MKLN1: variants seen among roughly 807,000 people sequenced by gnomAD.
MKLN1 encodes the protein muskelin 1, also known as muskelin.
MKLN1 carries 18 observed loss-of-function variants against 99.0 expected under a neutral mutation model. The ratio of observed to expected loss-of-function variants is 0.18; its 90% CI spans 0.13 to 0.27. The LOEUF is 0.27. MKLN1 is among the 10% of genes least tolerant of loss of function. The probability of loss-of-function intolerance (pLI) is 1.00; values close to 1 mark genes in which losing one functional copy is unlikely to be tolerated. For synonymous variants in MKLN1, 288 were observed against 293.2 expected (o/e 0.98, Z 0.18); for missense variants, 621 against 875.9 (o/e 0.71, Z 3.67).
In MKLN1 at chr7:131,114,415, T is replaced by C. The variant is rs556845406; in HGVS notation, c.-419+4208T>C. Among the ~76,000 whole-genome samples the C allele has an allele frequency of 9.2e-5, 14 of 151,902 alleles. No individual in the cohort carries two copies. The South Asian group carries it at 1.9e-3, about 20-fold the overall frequency. ...CTCAGGAGAGAGATCTATGCTGGAGTCATCAGAATAAGGAATAGTTCATGG... is the reference window on the plus strand; with the variant it reads ...CTCAGGAGAGAGATCTATGCTGGAGCCATCAGAATAAGGAATAGTTCATGG... On this transcript the variant is annotated intron_variant, in intron 1 of 7. Coordinates refer to the MKLN1 transcript ENST00000416992.
At chr7:131,250,216 G>T (rs78176340) in intron 3 of MKLN1, among the ~76,000 whole-genome samples, 1 of 152,146 alleles carries the variant, frequency 6.6e-6, no homozygotes, top group Non-Finnish European at 1.5e-5. Context: ...TTGGTGGCTG[G>T]GGGGAGATGA....
At chr7:131,439,047 T>C (rs1254075448) in intron 10 of MKLN1, among the ~76,000 whole-genome samples, 1 of 152,124 alleles carries the variant, frequency 6.6e-6, no homozygotes, top group East Asian at 1.9e-4. Flanking sequence ...AAACTAGTAT[T>C]CTTGGAAATA....
rs1796658995 is a variant in MKLN1, at chr7:131,466,264, T to G, written c.1789-12T>G. On this transcript the variant is annotated splice_polypyrimidine_tract_variant and intron_variant, in intron 14 of 17. Coordinates refer to ENST00000352689, the MANE Select transcript of MKLN1 (RefSeq NM_013255.5). Reference sequence around the variant, plus strand: ...GCATTTTTAAAAATCTGGCTTATTTTGCTTATTATAGGTTCATTACTTATT... The same window carrying G: ...GCATTTTTAAAAATCTGGCTTATTTGGCTTATTATAGGTTCATTACTTATT... 6.4e-7 allele frequency: 1 copy of G among 1,561,352 alleles called. No individual in the cohort carries two copies. The highest frequency in any genetic ancestry group is 2.3e-5 in the East Asian group (1 of 43,952).
chr7:131,144,433 G>C, intron 2 of MKLN1, among the ~76,000 whole-genome samples: 1 of 150,076 alleles, frequency 6.7e-6, no homozygotes, highest in East Asian at 2.0e-4. Flanking sequence ...AGTGAGCCAA[G>C]ATCATGCCAC....
chr7:131,208,698 C>T (rs1796855216), intron 3 of MKLN1, among the ~76,000 whole-genome samples: 1 of 152,182 alleles, frequency 6.6e-6, no homozygotes, highest in Non-Finnish European at 1.5e-5. Flanking sequence ...TTTATTCAAT[C>T]ATTCAGAAAT....
In MKLN1 at chr7:131,132,932, AAAAAAAAAAAAAAAAAAAGAAAG is replaced by A. The variant is rs1795575919; in HGVS notation, c.-418-9884_-418-9862del. 5.7e-5 allele frequency among the ~76,000 whole-genome samples: 4 copies of A among 69,846 alleles called. 1 individual carries two copies. The highest frequency in any genetic ancestry group is 5.2e-4 in the Admixed American group (3 of 5,760). 45.8% of individuals were successfully genotyped at this position (69,846 alleles called of 152,430 possible). ...CAGAGTGAGACTCTGTCTCAAAAAAAAAAAAAAAAAAAAAAAAAGAAAGAAAGAAAGAAAGAAAGAAAGAAAGA... is the reference window on the plus strand; with the variant it reads ...CAGAGTGAGACTCTGTCTCAAAAAAAAAAGAAAGAAAGAAAGAAAGAAAGA... On this transcript the variant is annotated intron_variant, in intron 1 of 7. Coordinates refer to the MKLN1 transcript ENST00000416992.
intron 3 of MKLN1, among the ~76,000 whole-genome samples, chr7:131,302,068 G>A (rs750370934): frequency 6.6e-6 from 1 of 152,234 alleles, no homozygotes; most frequent in South Asian, 2.1e-4. Context: ...CTAGATGATT[G>A]TGCTACAGGG....
intron 10 of MKLN1, among the ~76,000 whole-genome samples, chr7:131,440,563 A>G (rs1306663002): frequency 6.6e-6 from 1 of 152,164 alleles, no homozygotes; most frequent in African/African-American, 2.4e-5. Flanking sequence ...CAATAAATGA[A>G]AGTTATATCC....
chr7:131,256,715 C>T (rs185597981), intron 3 of MKLN1, among the ~76,000 whole-genome samples: 60 of 152,224 alleles, frequency 3.9e-4, no homozygotes, highest in Non-Finnish European at 5.7e-4. Flanking sequence ...AAACAGAAAA[C>T]CAAATGCTGC....
chr7:131,329,762 T>C (rs1799016117), intron 1 of MKLN1, among the ~76,000 whole-genome samples: 1 of 152,190 alleles, frequency 6.6e-6, no homozygotes, highest in Admixed American at 6.5e-5. Context: ...ATCTTTTGTG[T>C]CTTGTTACTC....
intron 6 of MKLN1, among the ~76,000 whole-genome samples, chr7:131,410,307 C>T (rs1794837918): frequency 2.0e-5 from 3 of 152,038 alleles, no homozygotes; most frequent in South Asian, 4.1e-4. Flanking sequence ...GGTTAAGTTT[C>T]TTACTTTTTT....
Position 131,461,155 on chromosome 7 carries a change from A to T in MKLN1, c.1526-2062A>T, listed in dbSNP as rs574553507. On this transcript the variant is annotated intron_variant, in intron 12 of 17. Transcript: ENST00000352689. Reference sequence around the variant, plus strand: ...ATTTCTAGGTTACTTATAATACCTGATACAATGTAAATAGTTGTTATAAGG... The same window carrying T: ...ATTTCTAGGTTACTTATAATACCTGTTACAATGTAAATAGTTGTTATAAGG... Among the ~76,000 whole-genome samples the T allele has an allele frequency of 9.4e-4, 143 of 152,282 alleles. 1 individual carries two copies. Among genetic ancestry groups the T allele is most frequent in the African/African-American group, 3.4e-3 (141 of 41,554 alleles).
At chr7:131,445,380 T>C (rs148135661) in intron 11 of MKLN1, among the ~76,000 whole-genome samples, 236 of 152,284 alleles carry the variant, frequency 1.5e-3, no homozygotes, top group Non-Finnish European at 2.8e-3. Context: ...GGTTTATCCT[T>C]CCTTTGTTTT....
chr7:131,364,208 T>C (rs1800111177), intron 1 of MKLN1, among the ~76,000 whole-genome samples: 1 of 150,764 alleles, frequency 6.6e-6, no homozygotes, highest in African/African-American at 2.5e-5. Context: ...AAAAAACGTT[T>C]GTTTATTTAT....
At chr7:131,388,629 G>GTAGCTACAT (rs1351277825) in intron 3 of MKLN1, among the ~76,000 whole-genome samples, 1 of 152,124 alleles carries the variant, frequency 6.6e-6, no homozygotes, top group Non-Finnish European at 1.5e-5. Flanking sequence ...TTTAAACACC[G>GTAGCTACAT]TAGCTACATT....
At chr7:131,154,383 A>G (rs375083716) in intron 2 of MKLN1, among the ~76,000 whole-genome samples, 4 of 152,274 alleles carry the variant, frequency 2.6e-5, no homozygotes, top group African/African-American at 9.6e-5. Flanking sequence ...CCCCGGCCTA[A>G]TTGTGGTAAT....
intron 1 of MKLN1, among the ~76,000 whole-genome samples, chr7:131,364,788 C>G (rs548045484): frequency 1.3e-5 from 2 of 151,980 alleles, no homozygotes; most frequent in Admixed American, 6.6e-5. Context: ...GAAATGATCT[C>G]GTTTTTTTTA....
At chr7:131,134,593 G>A (rs1227801238) in intron 1 of MKLN1, among the ~76,000 whole-genome samples, 1 of 151,992 alleles carries the variant, frequency 6.6e-6, no homozygotes, top group Admixed American at 6.6e-5. Context: ...CTTTAGCTTC[G>A]TCAGTGTCAT....
At position 131,258,676 on chromosome 7, in the gene MKLN1, C is replaced by T. The variant is rs573398782; in HGVS notation, c.-179+55702C>T. On this transcript the variant is annotated intron_variant, in intron 3 of 7. Transcript: ENST00000416992. ...TTGGGTATGGGAAGCCATCCATTTA[C>T]ATTCCCAGAGCTTTTTCTTTATTAG... is the stretch of plus-strand genomic sequence containing the variant. Among the ~76,000 whole-genome samples, 191 of 152,322 alleles carry T rather than the reference C, an allele frequency of 1.3e-3. 2 individuals are homozygous for T. Among genetic ancestry groups the T allele is most frequent in the African/African-American group, 3.9e-3 (163 of 41,580 alleles).
Sources: allele counts gnomAD v4.1 joint callset (sites outside exome capture counted in the v4.1 genomes callset), GRCh38; gene constraint gnomAD v4.1.1; transcripts MANE v1.5; gene names NCBI Gene and HGNC (gene_info 2026-07-23, HGNC 2026-07-21).